Variants in WWOX observed in about 807,000 individuals in gnomAD.
WWOX encodes WW domain-containing oxidoreductase.
In WWOX, 69 loss-of-function variants were observed where a neutral mutation model predicts 46.2. The ratio of observed to expected loss-of-function variants is 1.49; its 90% CI spans 1.23 to 1.82. The LOEUF (loss-of-function observed/expected upper bound fraction) is 1.82. WWOX is among the 40% of genes most tolerant of loss of function. The pLI, the probability that WWOX is intolerant of heterozygous loss-of-function variation, is 0.00. For synonymous variants in WWOX, 359 were observed against 202.6 expected, an observed-to-expected ratio of 1.77 and a Z score of -6.56; for missense variants, 919 against 542.6, an observed-to-expected ratio of 1.69 and a Z score of -6.89.
chr16:78,425,236 T>G (rs1273049392), intron 7 of WWOX, among the ~76,000 whole-genome samples, 181 bp downstream of exon 7: 2 of 152,156 alleles, frequency 1.3e-5, no homozygotes, highest in African/African-American at 2.4e-5. Context: ...GGGGGACTGT[T>G]TAGAAGGACT....
chr16:78,744,340 C>T (rs1359694359), intron 8 of WWOX, among the ~76,000 whole-genome samples: 2 of 147,698 alleles, frequency 1.4e-5, no homozygotes, highest in Non-Finnish European at 3.0e-5. Context: ...TATTTGTTTG[C>T]TTTTTTATAG....
intron 8 of WWOX, among the ~76,000 whole-genome samples, chr16:79,062,487 A>C (rs1351207298): frequency 5.3e-5 from 8 of 152,168 alleles, no homozygotes; most frequent in Admixed American, 5.2e-4. Context: ...ATCACAGTGC[A>C]AACTATGCGA....
At chr16:78,544,956 C>T (rs974759369) in intron 8 of WWOX, among the ~76,000 whole-genome samples, 17 of 149,650 alleles carry the variant, frequency 1.1e-4, no homozygotes, top group African/African-American at 3.5e-4. Flanking sequence ...GTGGGAACAT[C>T]ATTTGAGCCC....
rs186963506 is a variant in WWOX, at chr16:79,024,665, G to T, written c.1057-186943G>T. Among the ~76,000 whole-genome samples the T allele has an allele frequency of 4.0e-3, 616 of 152,154 alleles. 2 individuals are homozygous for T. Among genetic ancestry groups the T allele is most frequent in the Non-Finnish European group, 6.7e-3 (454 of 68,016 alleles). ...TTAGCCAGGATGGTCTTCATCTCCTGACCTCGTGATCTGCCCACCTCGGCC... is the reference window on the plus strand; with the variant it reads ...TTAGCCAGGATGGTCTTCATCTCCTTACCTCGTGATCTGCCCACCTCGGCC... On this transcript the variant is annotated intron_variant, in intron 8 of 8. Transcript: ENST00000566780.
At chr16:78,963,547 G>T (rs184953600) in intron 8 of WWOX, among the ~76,000 whole-genome samples, 4 of 152,144 alleles carry the variant, frequency 2.6e-5, no homozygotes, top group African/African-American at 9.7e-5. Context: ...ACTTAAGCAG[G>T]TGTGTCATCC....
chr16:78,276,197 C>G (rs1044014998), intron 5 of WWOX, among the ~76,000 whole-genome samples: 2 of 152,170 alleles, frequency 1.3e-5, no homozygotes, highest in Admixed American at 1.3e-4. Context: ...GCTGGCTAAC[C>G]TCCTTCCTTT....
At chr16:79,048,871 C>G (rs1182267559) in intron 8 of WWOX, among the ~76,000 whole-genome samples, 1 of 152,136 alleles carries the variant, frequency 6.6e-6, no homozygotes, top group South Asian at 2.1e-4. Flanking sequence ...TATAGCACAT[C>G]TCTACCACCA....
At chr16:78,623,949 G>T (rs1424756644) in intron 8 of WWOX, among the ~76,000 whole-genome samples, 1 of 152,138 alleles carries the variant, frequency 6.6e-6, no homozygotes, top group Non-Finnish European at 1.5e-5. Context: ...TTGCTCTACA[G>T]GTCAAGTTGG....
chr16:78,622,449 T>G (rs893841308), intron 8 of WWOX, among the ~76,000 whole-genome samples: 1 of 151,480 alleles, frequency 6.6e-6, no homozygotes, highest in African/African-American at 2.4e-5. Flanking sequence ...GGCTGAGACT[T>G]AAGAATCGCT....
At chr16:78,754,884 C>G (rs1048916276) in intron 8 of WWOX, among the ~76,000 whole-genome samples, 3 of 152,106 alleles carry the variant, frequency 2.0e-5, no homozygotes, top group South Asian at 2.1e-4. Flanking sequence ...TGTGCTGTGT[C>G]CTGCACTGTC....
At chr16:78,165,080 G>A (rs1276160880) in intron 5 of WWOX, among the ~76,000 whole-genome samples, 2 of 152,210 alleles carry the variant, frequency 1.3e-5, no homozygotes, top group Non-Finnish European at 2.9e-5. Flanking sequence ...GGAAGCTAGT[G>A]TGGCTGGAGA....
At position 78,801,816 on chromosome 16, in the gene WWOX, G is replaced by A. The variant is rs184254330; in HGVS notation, c.1056+369064G>A. On this transcript the variant is annotated intron_variant, in intron 8 of 8. Transcript: ENST00000566780. ...TCATTTTTTTTAGGAGATTAAAGCT[G>A]TGTAAGATATACAATTTAAACTGAA... 1.9e-3 allele frequency among the ~76,000 whole-genome samples: 286 copies of A among 152,262 alleles called. 1 individual carries two copies. Among genetic ancestry groups the A allele is most frequent in the African/African-American group, 6.4e-3 (267 of 41,552 alleles).
chr16:78,746,540 C>G (rs1013484942), intron 8 of WWOX, among the ~76,000 whole-genome samples: 1 of 151,892 alleles, frequency 6.6e-6, no homozygotes, highest in Admixed American at 6.6e-5. Context: ...TTGCCATGGC[C>G]TCATGAGCAG....
intron 4 of WWOX, among the ~76,000 whole-genome samples, chr16:78,121,793 C>T (rs1597229348): frequency 6.6e-6 from 1 of 151,868 alleles, no homozygotes; most frequent in South Asian, 2.1e-4. Flanking sequence ...TCCTGAGTAG[C>T]TGGGATTACA....
chr16:79,072,763 C>T (rs999217057), intron 8 of WWOX, among the ~76,000 whole-genome samples: 3 of 152,206 alleles, frequency 2.0e-5, no homozygotes, highest in Admixed American at 2.0e-4. Context: ...TCAACTTTGC[C>T]TGTATATTTA....
intron 1 of WWOX, among the ~76,000 whole-genome samples, chr16:78,102,661 C>G (rs1228875629): frequency 6.6e-6 from 1 of 152,200 alleles, no homozygotes; most frequent in Non-Finnish European, 1.5e-5. Context: ...TGGGTGTCCC[C>G]TCGACCTTGT....
chr16:78,358,162 C>G (rs2081336742), intron 5 of WWOX, among the ~76,000 whole-genome samples: 1 of 152,180 alleles, frequency 6.6e-6, no homozygotes, highest in African/African-American at 2.4e-5. Flanking sequence ...CAAGTATCTT[C>G]TCAACACACA....
chr16:78,141,679 A>T (rs1034551517), intron 4 of WWOX, among the ~76,000 whole-genome samples: 3 of 152,162 alleles, frequency 2.0e-5, no homozygotes, highest in Non-Finnish European at 2.9e-5. Context: ...GAGTGTGTTT[A>T]TTCATAAAAA....
intron 8 of WWOX, among the ~76,000 whole-genome samples, chr16:78,986,351 G>A (rs907151632): frequency 1.1e-4 from 17 of 152,300 alleles, no homozygotes; most frequent in African/African-American, 4.1e-4. Flanking sequence ...AGAGCTTTAT[G>A]AAGGCATATT....
Sources: allele counts gnomAD v4.1 joint callset (sites outside exome capture counted in the v4.1 genomes callset), GRCh38; gene constraint gnomAD v4.1.1; transcripts MANE v1.5; gene names NCBI Gene and HGNC (gene_info 2026-07-23, HGNC 2026-07-21).